TPST1: variants seen among roughly 807,000 people sequenced by gnomAD.
The protein encoded by TPST1 is protein-tyrosine sulfotransferase 1.
TPST1 carries 20 observed loss-of-function variants against 34.8 expected under a neutral mutation model. The ratio of observed to expected loss-of-function variants is 0.57; its 90% CI spans 0.40 to 0.84. The LOEUF is 0.84. TPST1 is among the 40% of genes least tolerant of loss of function. TPST1 has a pLI of 0.00. For missense variants in TPST1, 353 were observed against 455.5 expected (o/e 0.78, Z 2.05); for synonymous variants, 152 against 159.4 (o/e 0.95, Z 0.35).
chr7:66,234,653 T>C (rs1452445204), intron 1 of TPST1, among the ~76,000 whole-genome samples: 1 of 152,092 alleles, frequency 6.6e-6, no homozygotes, highest in Non-Finnish European at 1.5e-5. Context: ...TCTGTTTACA[T>C]TCAGGGAAGT....
chr7:66,245,271 T>C (rs1790123567), intron 2 of TPST1, among the ~76,000 whole-genome samples: 1 of 152,164 alleles, frequency 6.6e-6, no homozygotes, highest in Non-Finnish European at 1.5e-5. Flanking sequence ...CAGTGGGGAA[T>C]AGAGATTGGA....
chr7:66,301,923 C>A (rs201210562), intron 3 of TPST1, among the ~76,000 whole-genome samples: 4 of 152,120 alleles, frequency 2.6e-5, no homozygotes, highest in Admixed American at 1.3e-4. Context: ...CAGACTTGCT[C>A]ACCACAGGAT....
chr7:66,283,119 T>C (rs971881613), intron 2 of TPST1, among the ~76,000 whole-genome samples: 7 of 151,934 alleles, frequency 4.6e-5, no homozygotes, highest in African/African-American at 1.7e-4. Context: ...AAAAATTAAC[T>C]GGGTATGGTG....
At chr7:66,304,925 C>T (rs899282992) in intron 3 of TPST1, among the ~76,000 whole-genome samples, 2 of 151,958 alleles carry the variant, frequency 1.3e-5, no homozygotes, top group African/African-American at 2.4e-5. Context: ...CCAAGCGATC[C>T]GCCTGCCTTA....
intron 2 of TPST1, among the ~76,000 whole-genome samples, chr7:66,275,333 T>G (rs1312015194): frequency 6.6e-6 from 1 of 152,084 alleles, no homozygotes; most frequent in Admixed American, 6.5e-5. Context: ...CTCAAAAAAT[T>G]GAAAATAGAG....
chr7:66,309,676 C>T (rs1178840682), intron 3 of TPST1, among the ~76,000 whole-genome samples: 1 of 152,214 alleles, frequency 6.6e-6, no homozygotes, highest in Non-Finnish European at 1.5e-5. Context: ...GCGTTAGACA[C>T]TGCTGACTGC....
In TPST1 at chr7:66,251,865, G is replaced by A. The variant is rs57414938; in HGVS notation, c.845+10595G>A. Among the ~76,000 whole-genome samples the A allele has an allele frequency of 5.3e-3, 798 of 151,256 alleles. 10 individuals carry two copies. The highest frequency in any genetic ancestry group is 0.018 in the African/African-American group (745 of 41,244). ...GTTGTGGTATATAGCTATATCATCA[G>A]TTTTAATTGCCAAAATACTATTCTC... On this transcript the variant is annotated intron_variant, in intron 2 of 5. Coordinates refer to ENST00000304842, the MANE Select transcript of TPST1 (RefSeq NM_003596.4).
the TPST1 span, among the ~76,000 whole-genome samples, chr7:66,199,508 T>C: frequency 3.3e-5 from 5 of 151,906 alleles, no homozygotes; most frequent in African/African-American, 1.2e-4. Context: ...TTGGCCAGGC[T>C]GGTCTCGAAC....
chr7:66,307,213 G>C lies in TPST1; in HGVS notation c.1044+20504G>C, dbSNP rs183902733. ...GCTCACTGCAAGGTCCGCCTCCCGG[G>C]TTCATGCCATTCTCCTGCCTCAGCC... On this transcript the variant is annotated intron_variant, in intron 3 of 5. Coordinates refer to ENST00000304842, the MANE Select transcript of TPST1 (RefSeq NM_003596.4). Among the ~76,000 whole-genome samples, 92 of 151,656 alleles carry C rather than the reference G, an allele frequency of 6.1e-4. 1 individual carries two copies. Among genetic ancestry groups the C allele is most frequent in the Non-Finnish European group, 1.1e-3 (75 of 67,920 alleles).
intron 2 of TPST1, among the ~76,000 whole-genome samples, chr7:66,282,694 A>G (rs1790955622): frequency 6.6e-6 from 1 of 152,242 alleles, no homozygotes; most frequent in Non-Finnish European, 1.5e-5. Context: ...AGTGAAGCCC[A>G]GAGAGCTGAT....
At chr7:66,200,452 C>T (rs1177968176), upstream of TPST1, among the ~76,000 whole-genome samples, 1 of 147,230 alleles carries the variant, frequency 6.8e-6, no homozygotes, top group Non-Finnish European at 1.5e-5. Flanking sequence ...TGGAGTTTCG[C>T]TCTGTCACCC....
intron 1 of TPST1, among the ~76,000 whole-genome samples, chr7:66,228,740 A>G (rs1186241395): frequency 2.0e-5 from 3 of 152,156 alleles, no homozygotes; most frequent in Admixed American, 6.5e-5. Context: ...TCTGCTATAA[A>G]TTATTTGCTT....
At chr7:66,275,300 T>C (rs1445210002) in intron 2 of TPST1, among the ~76,000 whole-genome samples, 1 of 152,178 alleles carries the variant, frequency 6.6e-6, no homozygotes, top group African/African-American at 2.4e-5. Context: ...GTACAGCCGT[T>C]ATGGAAAACA....
intron 1 of TPST1, among the ~76,000 whole-genome samples, chr7:66,217,901 A>T (rs577098438): frequency 6.2e-5 from 9 of 144,916 alleles, no homozygotes; most frequent in African/African-American, 2.3e-4. Context: ...TTTTTTTGAG[A>T]TGGAGTCTGA....
intron 3 of TPST1, among the ~76,000 whole-genome samples, chr7:66,328,100 C>T (rs1189247682): frequency 3.8e-5 from 5 of 130,950 alleles, no homozygotes; most frequent in Non-Finnish European, 6.3e-5. Context: ...GATCTCAGCT[C>T]ACTGCAACCT....
chr7:66,219,047 A>ATTTTTTTTTTTTTT (rs376698635), intron 1 of TPST1, among the ~76,000 whole-genome samples: 1 of 108,912 alleles, frequency 9.2e-6, no homozygotes, highest in African/African-American at 3.6e-5. Flanking sequence ...CGCCTGGCTA[A>ATTTTTTTTTTTTTT]TTTTTTTTTT....
At chr7:66,246,451 G>C (rs548644156) in intron 2 of TPST1, among the ~76,000 whole-genome samples, 1 of 152,238 alleles carries the variant, frequency 6.6e-6, no homozygotes, top group East Asian at 1.9e-4. Context: ...AAATCAGAGA[G>C]CTGATGAAAC....
intron 3 of TPST1, among the ~76,000 whole-genome samples, chr7:66,320,245 CTTTTTTT>C (rs569746911): frequency 7.9e-5 from 10 of 126,386 alleles, no homozygotes; most frequent in East Asian, 2.3e-4. Context: ...TTTTCTTTTT[CTTTTTTT>C]TTTTTTTTTT....
At chr7:66,297,299 C>G (rs1791221801) in intron 3 of TPST1, among the ~76,000 whole-genome samples, 1 of 152,178 alleles carries the variant, frequency 6.6e-6, no homozygotes, top group Admixed American at 6.5e-5. Context: ...CCGAAATGCT[C>G]TCAAGGACCT....
Sources: gnomAD v4.1 joint callset for allele counts (sites outside exome capture counted in the v4.1 genomes callset) on GRCh38, gnomAD v4.1.1 for gene constraint, MANE v1.5 for transcripts, NCBI Gene and HGNC (gene_info 2026-07-23, HGNC 2026-07-21) for gene names.